AGTPBP1: variants seen among roughly 807,000 people sequenced by gnomAD.
The protein encoded by AGTPBP1 is ATP/GTP binding carboxypeptidase 1.
In AGTPBP1, 70 loss-of-function variants were observed where a neutral mutation model predicts 143.9. That is an observed-to-expected ratio of 0.49 (90% confidence interval 0.40 to 0.59). The LOEUF (loss-of-function observed/expected upper bound fraction) is 0.59. Ranked by LOEUF, AGTPBP1 falls within the 20% of genes least tolerant of loss-of-function variation. The probability of loss-of-function intolerance (pLI) is 0.00; values close to 1 mark genes in which losing one functional copy is unlikely to be tolerated. For missense variants in AGTPBP1, 1,229 were observed against 1,464.5 expected, an observed-to-expected ratio of 0.84 and a Z score of 2.62; for synonymous variants, 463 against 500.2, an observed-to-expected ratio of 0.93 and a Z score of 0.99.
the AGTPBP1 span, chr9:85,805,471 C>G: frequency 6.6e-6 from 1 of 151,902 alleles, no homozygotes; most frequent in African/African-American, 2.4e-5. Context: ...GCGAGCCTGC[C>G]CCCAGCTCTG....
chr9:85,588,685 T>C (rs1828765829), intron 20 of AGTPBP1, among the ~76,000 whole-genome samples: 1 of 152,138 alleles, frequency 6.6e-6, no homozygotes, highest in East Asian at 1.9e-4. Flanking sequence ...AAGGAGCTCA[T>C]AATAGGACAT....
chr9:85,555,464 T>G (rs1826278225), intron 25 of AGTPBP1, among the ~76,000 whole-genome samples: 1 of 152,148 alleles, frequency 6.6e-6, no homozygotes, highest in African/African-American at 2.4e-5. Context: ...CTGGGTGTGG[T>G]AGCAGGCACC....
chr9:85,748,184 A>T, the AGTPBP1 span, among the ~76,000 whole-genome samples: 2 of 152,178 alleles, frequency 1.3e-5, no homozygotes, highest in African/African-American at 4.8e-5. Context: ...CTGTCACTAA[A>T]GTCCTTATCG....
intron 1 of AGTPBP1, among the ~76,000 whole-genome samples, chr9:85,728,070 CACACACAT>C (rs1412808312): frequency 4.1e-5 from 6 of 146,828 alleles, no homozygotes; most frequent in Admixed American, 2.7e-4. Flanking sequence ...CACACACACA[CACACACAT>C]ATTTACTTCA....
At chr9:85,679,140 T>C (rs562312567) in intron 4 of AGTPBP1, among the ~76,000 whole-genome samples, 1 of 152,336 alleles carries the variant, frequency 6.6e-6, no homozygotes, top group East Asian at 1.9e-4. Flanking sequence ...TGGGCCTTTA[T>C]TTTAATAGAT....
chr9:85,575,969 T>A lies in AGTPBP1; in HGVS notation c.3343-494A>T, dbSNP rs1281286450. Among the ~76,000 whole-genome samples, 3 of 152,264 alleles carry A rather than the reference T, an allele frequency of 2.0e-5. No individual in the cohort carries two copies. The East Asian group carries it at 5.8e-4, about 29-fold the overall frequency. The stretch of plus-strand genomic sequence containing the variant: ...TCAGTAAAAAGCAAATAAAGGTAAC[T>A]GTCAAAAAAAGAATCAAATCTAAGC... On this transcript the variant is annotated intron_variant, in intron 24 of 25. Transcript: ENST00000357081.
chr9:85,625,362 G>A (rs1474922691), intron 14 of AGTPBP1, among the ~76,000 whole-genome samples: 1 of 152,140 alleles, frequency 6.6e-6, no homozygotes, highest in Non-Finnish European at 1.5e-5. Flanking sequence ...TGCTCAATTA[G>A]ATTTTAGCCA....
intron 2 of AGTPBP1, among the ~76,000 whole-genome samples, chr9:85,705,911 C>T (rs1357369228): frequency 3.3e-5 from 5 of 151,746 alleles, no homozygotes; most frequent in East Asian, 2.0e-4. Flanking sequence ...AGGATGGTCT[C>T]GATCTCCTGA....
chr9:85,765,902 A>G, the AGTPBP1 span, among the ~76,000 whole-genome samples: 120,225 of 152,034 alleles, frequency 0.79, 48,567 homozygotes, highest in African/African-American at 0.94. Flanking sequence ...TGGGGGCTAA[A>G]TGGCGGTTGA....
the AGTPBP1 span, chr9:85,770,229 A>G: frequency 8.7e-7 from 1 of 1,147,754 alleles, no homozygotes; most frequent in Non-Finnish European, 1.3e-6. Flanking sequence ...TGAGTATATG[A>G]CAAAGTCAAA....
chr9:85,558,125 T>A (rs370687321), intron 25 of AGTPBP1, among the ~76,000 whole-genome samples: 1 of 152,222 alleles, frequency 6.6e-6, no homozygotes, highest in African/African-American at 2.4e-5. Context: ...CAATTTCTCA[T>A]CAAATTTTCT....
the AGTPBP1 span, among the ~76,000 whole-genome samples, chr9:85,785,485 T>C: frequency 1.3e-5 from 2 of 152,270 alleles, no homozygotes; most frequent in African/African-American, 4.8e-5. Context: ...TATTAGACAT[T>C]CTTTGATTTA....
At chr9:85,672,093 C>T (rs949717486) in intron 7 of AGTPBP1, among the ~76,000 whole-genome samples, 9 of 150,730 alleles carry the variant, frequency 6.0e-5, no homozygotes, top group South Asian at 4.2e-4. Context: ...TTGGTTGAGA[C>T]GGAGTCTTGC....
chr9:85,658,629 G>A (rs1833676706), intron 9 of AGTPBP1, among the ~76,000 whole-genome samples: 1 of 152,038 alleles, frequency 6.6e-6, no homozygotes, highest in Non-Finnish European at 1.5e-5. Context: ...TTCACAGTAT[G>A]GACACTAAGA....
At chr9:85,664,668 C>T (rs186621263) in intron 8 of AGTPBP1, among the ~76,000 whole-genome samples, 2 of 152,038 alleles carry the variant, frequency 1.3e-5, no homozygotes, top group Non-Finnish European at 2.9e-5. Context: ...CCTATGGTTA[C>T]TCTGTTTAAT....
chr9:85,681,842 C>T (rs745796980), intron 3 of AGTPBP1, among the ~76,000 whole-genome samples: 12 of 150,790 alleles, frequency 8.0e-5, no homozygotes, highest in Non-Finnish European at 1.8e-4. Context: ...CTCCGCCTCC[C>T]GGGTTTAAGT....
chr9:85,712,400 T>C, intron 2 of AGTPBP1, 102 bp downstream of exon 2: 7 of 559,718 alleles, frequency 1.3e-5, no homozygotes. Flanking sequence ...TAACATATTA[T>C]ACTTAAACAC....
chr9:85,753,193 G>A, the AGTPBP1 span: 11 of 1,418,504 alleles, frequency 7.8e-6, no homozygotes, highest in Non-Finnish European at 1.0e-5. Context: ...TCCAGCCTGG[G>A]TGACAGAGCG....
chr9:85,639,817 A>G (rs1450291899), intron 13 of AGTPBP1, among the ~76,000 whole-genome samples: 1 of 152,238 alleles, frequency 6.6e-6, no homozygotes, highest in Non-Finnish European at 1.5e-5. Flanking sequence ...TAAAACTGTA[A>G]TTGTCACTAT....
Sources: gnomAD v4.1 joint callset for allele counts (sites outside exome capture counted in the v4.1 genomes callset) on GRCh38, gnomAD v4.1.1 for gene constraint, MANE v1.5 for transcripts, NCBI Gene and HGNC (gene_info 2026-07-23, HGNC 2026-07-21) for gene names.